The following DPYD variants were observed in gnomAD, a reference collection of about 807,000 sequenced individuals.
The protein encoded by DPYD is dihydropyrimidine dehydrogenase [NADP(+)].
Under a neutral mutation model 116.2 loss-of-function variants are expected in DPYD, and 109 were observed. The observed-to-expected ratio is 0.94, with a 90% CI of 0.80 to 1.10. DPYD has a LOEUF of 1.10. Among genes scored for constraint, DPYD ranks in the 50% least tolerant of loss-of-function variants. DPYD has a pLI of 0.00. For missense variants in DPYD, 1,302 were observed against 1,254.5 expected (o/e 1.04, Z -0.57); for synonymous variants, 440 against 432.0 (o/e 1.02, Z -0.23).
chr1:97,403,164 G>C (rs1006200891), intron 14 of DPYD, among the ~76,000 whole-genome samples: 1 of 151,988 alleles, frequency 6.6e-6, no homozygotes, highest in African/African-American at 2.4e-5. Context: ...TTACGATGGG[G>C]TTAAGTCCTG....
At chr1:97,476,742 A>G (rs1202352083) in intron 13 of DPYD, among the ~76,000 whole-genome samples, 1 of 152,218 alleles carries the variant, frequency 6.6e-6, no homozygotes, top group Non-Finnish European at 1.5e-5. Context: ...TACTAAAAAA[A>G]AAACAGCTTA....
At chr1:97,435,881 A>G (rs1048613839) in intron 14 of DPYD, among the ~76,000 whole-genome samples, 6 of 152,000 alleles carry the variant, frequency 3.9e-5, no homozygotes, top group African/African-American at 1.4e-4. Flanking sequence ...ATAGTTATCA[A>G]TAAGCCCAAA....
intron 20 of DPYD, among the ~76,000 whole-genome samples, chr1:97,179,985 G>A (rs77689306): frequency 1.3e-5 from 2 of 152,124 alleles, no homozygotes; most frequent in Non-Finnish European, 2.9e-5. Context: ...GTGTGAGACT[G>A]CCAATTATTC....
chr1:97,195,336 G>A (rs77088687), intron 19 of DPYD, among the ~76,000 whole-genome samples: 2,752 of 151,600 alleles, frequency 0.018, 87 homozygotes, highest in African/African-American at 0.064. Flanking sequence ...TGAAGGAAAT[G>A]CCTGAAAACA....
At chr1:97,856,036 A>C (rs1284679656) in intron 2 of DPYD, 1 of 152,212 alleles carries the variant, frequency 6.6e-6, no homozygotes, top group African/African-American at 2.4e-5. Flanking sequence ...TTAGAAGATG[A>C]ATCAAAATTT....
At chr1:97,294,079 A>G (rs546288949) in intron 18 of DPYD, among the ~76,000 whole-genome samples, 226 of 152,276 alleles carry the variant, frequency 1.5e-3, no homozygotes, top group African/African-American at 5.3e-3. Flanking sequence ...GTCGATATGA[A>G]GGAAACAACG....
At chr1:97,781,030 G>A (rs1420118864) in intron 3 of DPYD, among the ~76,000 whole-genome samples, 3 of 152,072 alleles carry the variant, frequency 2.0e-5, no homozygotes, top group Non-Finnish European at 2.9e-5. Flanking sequence ...CAACTCTCAC[G>A]ACAGTTAATG....
rs58771302 is a variant in DPYD, at chr1:97,158,472, G to GACACACACACACACACACAC, written c.2622+34577_2622+34596dup. Among the ~76,000 whole-genome samples, 22 of 112,084 alleles carry GACACACACACACACACACAC rather than the reference G, an allele frequency of 2.0e-4. 1 individual carries two copies. The highest frequency in any genetic ancestry group is 1.6e-3 in the Admixed American group (16 of 9,958). The allele number at this position is 112,084 out of a possible 152,430, so 73.5% of individuals were successfully genotyped here. A position where few individuals can be genotyped will look rare whatever the true frequency, so the allele number is the denominator to read the frequency against. On this transcript the variant is annotated intron_variant, in intron 20 of 22. Coordinates refer to ENST00000370192, the MANE Select transcript of DPYD (RefSeq NM_000110.4). ...GGCTTCTCCTGCAGATAACTCACCA[G>GACACACACACACACACACAC]ACACACACACACACACACACACACA...
At chr1:97,700,971 G>T (rs1477646239) in intron 5 of DPYD, among the ~76,000 whole-genome samples, 1 of 150,814 alleles carries the variant, frequency 6.6e-6, no homozygotes, top group African/African-American at 2.4e-5. Flanking sequence ...ATAAATAGGT[G>T]GTAGAGGGTA....
intron 16 of DPYD, among the ~76,000 whole-genome samples, chr1:97,340,489 G>C (rs1669536951): frequency 6.6e-6 from 1 of 152,056 alleles, no homozygotes; most frequent in African/African-American, 2.4e-5. Context: ...GGGCAACATA[G>C]GGAGACTCTG....
At chr1:97,623,959 C>T (rs903208413) in intron 8 of DPYD, among the ~76,000 whole-genome samples, 1 of 151,712 alleles carries the variant, frequency 6.6e-6, no homozygotes, top group African/African-American at 2.4e-5. Flanking sequence ...GACCTTGCAC[C>T]ATATAAAAAA....
chr1:97,798,595 G>A (rs570666041), intron 3 of DPYD, among the ~76,000 whole-genome samples: 2 of 151,856 alleles, frequency 1.3e-5, no homozygotes, highest in East Asian at 3.9e-4. Context: ...CAGTATTGAG[G>A]TGAAGATATT....
At chr1:97,710,560 T>A (rs1662225519) in intron 5 of DPYD, among the ~76,000 whole-genome samples, 1 of 151,806 alleles carries the variant, frequency 6.6e-6, no homozygotes, top group Non-Finnish European at 1.5e-5. Context: ...TCTCAAAGAT[T>A]TTTTTCCATA....
intron 21 of DPYD, among the ~76,000 whole-genome samples, chr1:97,092,185 T>C (rs1420468222): frequency 6.6e-6 from 1 of 152,208 alleles, no homozygotes; most frequent in Admixed American, 6.5e-5. Flanking sequence ...TTTGTCATTG[T>C]CTGTTTCTCC....
intron 18 of DPYD, among the ~76,000 whole-genome samples, chr1:97,303,289 C>T (rs563240697): frequency 4.6e-5 from 7 of 152,100 alleles, no homozygotes; most frequent in Admixed American, 4.6e-4. Flanking sequence ...ATTCATGCAG[C>T]ATCTCTGAAA....
chr1:97,390,883 T>G (rs1672654997), intron 14 of DPYD, among the ~76,000 whole-genome samples: 1 of 151,788 alleles, frequency 6.6e-6, no homozygotes, highest in Non-Finnish European at 1.5e-5. Flanking sequence ...CCAATATGCT[T>G]AGGAACTGAT....
intron 18 of DPYD, among the ~76,000 whole-genome samples, chr1:97,298,897 C>CTATGGTTAAA (rs1246045437): frequency 6.6e-6 from 1 of 152,100 alleles, no homozygotes; most frequent in Non-Finnish European, 1.5e-5. Flanking sequence ...AGCAGTTAGC[C>CTATGGTTAAA]TATGGTTAAA....
intron 16 of DPYD, among the ~76,000 whole-genome samples, chr1:97,327,021 C>G (rs925540422): frequency 1.3e-5 from 2 of 151,866 alleles, no homozygotes; most frequent in Non-Finnish European, 2.9e-5. Flanking sequence ...AAACAACATC[C>G]TGAATTCTTA....
At chr1:97,775,774 G>C (rs914976433) in intron 3 of DPYD, among the ~76,000 whole-genome samples, 2 of 152,104 alleles carry the variant, frequency 1.3e-5, no homozygotes, top group Admixed American at 1.3e-4. Flanking sequence ...CCAGAAAATT[G>C]AATGATACCA....
Sources: allele counts gnomAD v4.1 joint callset (sites outside exome capture counted in the v4.1 genomes callset), GRCh38; gene constraint gnomAD v4.1.1; transcripts MANE v1.5; gene names NCBI Gene and HGNC (gene_info 2026-07-23, HGNC 2026-07-21).